KLF8: variants seen among roughly 807,000 people sequenced by gnomAD.
The protein encoded by KLF8 is KLF transcription factor 8, also known as Krueppel-like factor 8.
A neutral mutation model predicts 18.2 loss-of-function variants in KLF8; 10 were observed. That is an observed-to-expected ratio of 0.55 (90% confidence interval 0.34 to 0.93). The LOEUF is 0.93. Ranked by LOEUF, KLF8 falls within the 40% of genes least tolerant of loss-of-function variation. The pLI is 0.02. For synonymous variants in KLF8, 109 were observed against 97.3 expected (o/e 1.12, Z -0.71); for missense variants, 264 against 277.9 (o/e 0.95, Z 0.36).
At chrX:55,998,323 G>A in the KLF8 span, among the ~76,000 whole-genome samples, 17 of 111,330 alleles carry the variant, frequency 1.5e-4, no homozygotes, top group Non-Finnish European at 1.9e-5. Context: ...CCCTTTACGG[G>A]TGTCGGGCTG....
At chrX:55,945,354 G>T in the KLF8 span, among the ~76,000 whole-genome samples, 1 of 111,185 alleles carries the variant, frequency 9.0e-6, no homozygotes, top group Non-Finnish European at 1.9e-5. Flanking sequence ...GGTCCACTTG[G>T]TGCAGAGCTG....
At chrX:55,956,128 T>TC in the KLF8 span, among the ~76,000 whole-genome samples, 4 of 74,226 alleles carry the variant, frequency 5.4e-5, no homozygotes, top group Middle Eastern at 6.7e-3. Flanking sequence ...TATCTATCTA[T>TC]TTATCTATCT....
chrX:56,247,406 T>C (rs943670199), intron 1 of KLF8, among the ~76,000 whole-genome samples: 1 of 111,736 alleles, frequency 8.9e-6, no homozygotes, highest in Non-Finnish European at 1.9e-5. Context: ...GCCTAGGACA[T>C]TACTGTACCT....
the KLF8 span, among the ~76,000 whole-genome samples, chrX:56,021,433 T>A: frequency 1.8e-5 from 2 of 110,747 alleles, no homozygotes; most frequent in Non-Finnish European, 3.8e-5. Flanking sequence ...CTGTATGAAT[T>A]TTTTTGTAAG....
At chrX:56,202,084 G>C in the KLF8 span, among the ~76,000 whole-genome samples, 2 of 111,123 alleles carry the variant, frequency 1.8e-5, no homozygotes, top group African/African-American at 6.6e-5. Context: ...TCCTAGAGAA[G>C]AGTATCCACT....
the KLF8 span, among the ~76,000 whole-genome samples, chrX:56,163,486 G>GCATTCCTTATAGATTATA: frequency 9.0e-5 from 10 of 110,941 alleles, no homozygotes; most frequent in African/African-American, 3.3e-4. Context: ...TATAGATATT[G>GCATTCCTTATAGATTATA]GATATTAGAC....
At chrX:56,006,751 G>A in the KLF8 span, among the ~76,000 whole-genome samples, 1 of 112,294 alleles carries the variant, frequency 8.9e-6, no homozygotes, top group East Asian at 2.8e-4. Context: ...TCACTTGTTG[G>A]ATTCATAGTT....
At chrX:56,015,289 G>A in the KLF8 span, 3 of 111,665 alleles carry the variant, frequency 2.7e-5, no homozygotes, top group African/African-American at 9.8e-5. Flanking sequence ...TACATCTTTT[G>A]CCTGAATCAC....
the KLF8 span, among the ~76,000 whole-genome samples, chrX:56,030,598 G>C: frequency 1.8e-5 from 2 of 110,127 alleles, no homozygotes; most frequent in Non-Finnish European, 3.8e-5. Context: ...GTATATTGCT[G>C]CTCTCTCAGG....
At chrX:56,215,552 G>GT in the KLF8 span, among the ~76,000 whole-genome samples, 3 of 109,508 alleles carry the variant, frequency 2.7e-5, no homozygotes, top group Admixed American at 2.9e-4. Flanking sequence ...GCTGGGTGCG[G>GT]TGGCTCATGT....
chrX:56,218,177 T>G, the KLF8 span, among the ~76,000 whole-genome samples: 1 of 110,825 alleles, frequency 9.0e-6, no homozygotes, highest in Non-Finnish European at 1.9e-5. Flanking sequence ...AACTTTGATG[T>G]TTTTGATTAA....
At chrX:56,101,479 A>G in the KLF8 span, among the ~76,000 whole-genome samples, 1 of 111,892 alleles carries the variant, frequency 8.9e-6, no homozygotes, top group Non-Finnish European at 1.9e-5. Flanking sequence ...TGGATATACA[A>G]CCAGTAATGG....
At chrX:56,091,725 C>T in the KLF8 span, among the ~76,000 whole-genome samples, 2 of 111,706 alleles carry the variant, frequency 1.8e-5, no homozygotes, top group Non-Finnish European at 3.8e-5. Flanking sequence ...GACCTCCTGA[C>T]CTCAGATGAT....
At chrX:56,202,681 T>C in the KLF8 span, among the ~76,000 whole-genome samples, 1 of 109,318 alleles carries the variant, frequency 9.1e-6, no homozygotes, top group Non-Finnish European at 1.9e-5. Context: ...TGAGAACATG[T>C]AATGTTTGTC....
chrX:56,266,881 G>A (rs747896293), intron 3 of KLF8: 5 of 754,118 alleles, frequency 6.6e-6, no homozygotes, highest in Non-Finnish European at 7.8e-6. Context: ...AAGTTGCTGA[G>A]ACTCTGCACT....
chrX:55,989,435 G>A, the KLF8 span, among the ~76,000 whole-genome samples: 1 of 112,274 alleles, frequency 8.9e-6, no homozygotes, highest in Non-Finnish European at 1.9e-5. Flanking sequence ...TCTGTCAAAG[G>A]CCTTTTCTGC....
At chrX:56,054,804 T>G in the KLF8 span, among the ~76,000 whole-genome samples, 2 of 112,161 alleles carry the variant, frequency 1.8e-5, no homozygotes, top group Non-Finnish European at 3.8e-5. Context: ...TGACAGGTCT[T>G]CTTGTTTCAT....
the KLF8 span, among the ~76,000 whole-genome samples, chrX:55,993,932 A>G: frequency 2.2e-5 from 2 of 89,747 alleles, no homozygotes; most frequent in Admixed American, 2.6e-4. Flanking sequence ...TTTTTTTTAG[A>G]TGGAGTCTTG....
At chrX:55,940,574 G>T in the KLF8 span, among the ~76,000 whole-genome samples, 2 of 111,763 alleles carry the variant, frequency 1.8e-5, no homozygotes, top group African/African-American at 6.5e-5. Context: ...ATTAGGAAAA[G>T]AGGAAGTCAA....
Sources: gnomAD v4.1 joint callset for allele counts (sites outside exome capture counted in the v4.1 genomes callset) on GRCh38, gnomAD v4.1.1 for gene constraint, MANE v1.5 for transcripts, NCBI Gene and HGNC (gene_info 2026-07-23, HGNC 2026-07-21) for gene names.